The following PDE1C variants were observed in gnomAD, a reference collection of about 807,000 sequenced individuals.
PDE1C encodes dual specificity calcium/calmodulin-dependent 3',5'-cyclic nucleotide phosphodiesterase 1C.
Under a neutral mutation model 93.1 loss-of-function variants are expected in PDE1C, and 62 were observed. The ratio of observed to expected loss-of-function variants is 0.67; its 90% CI spans 0.54 to 0.82. The LOEUF is 0.82. Among genes scored for constraint, PDE1C ranks in the 40% least tolerant of loss-of-function variants. PDE1C has a pLI of 0.00. For synonymous variants in PDE1C, 325 were observed against 310.1 expected (o/e 1.05, Z -0.50); for missense variants, 742 against 884.6 (o/e 0.84, Z 2.04).
intron 2 of PDE1C, among the ~76,000 whole-genome samples, chr7:31,998,477 C>T (rs1785048438): frequency 6.6e-6 from 1 of 152,082 alleles, no homozygotes; most frequent in Non-Finnish European, 1.5e-5. Context: ...GCAAAGGAAA[C>T]CAAAGGTAAT....
intron 2 of PDE1C, among the ~76,000 whole-genome samples, chr7:31,938,651 G>C (rs1207925051): frequency 6.6e-6 from 1 of 151,904 alleles, no homozygotes; most frequent in Non-Finnish European, 1.5e-5. Flanking sequence ...ATTCATAATA[G>C]CTCCTAGCAC....
At chr7:31,995,272 C>T (rs937005445) in intron 2 of PDE1C, among the ~76,000 whole-genome samples, 2 of 152,102 alleles carry the variant, frequency 1.3e-5, no homozygotes, top group African/African-American at 4.8e-5. Flanking sequence ...GGGAGAGAGC[C>T]ACTGCAGCCC....
intron 3 of PDE1C, among the ~76,000 whole-genome samples, chr7:32,136,572 A>T (rs1234748919): frequency 6.6e-6 from 1 of 152,188 alleles, no homozygotes; most frequent in Non-Finnish European, 1.5e-5. Context: ...TATTTGCTGA[A>T]AGAATAAATT....
chr7:31,861,158 T>C (rs901636016), intron 7 of PDE1C, among the ~76,000 whole-genome samples: 2 of 152,204 alleles, frequency 1.3e-5, no homozygotes, highest in Non-Finnish European at 2.9e-5. Flanking sequence ...GCATGTCCCA[T>C]GCAATGCACC....
At chr7:32,137,773 T>C (rs563730925) in intron 3 of PDE1C, among the ~76,000 whole-genome samples, 44 of 152,314 alleles carry the variant, frequency 2.9e-4, no homozygotes, top group Non-Finnish European at 4.7e-4. Flanking sequence ...AAAAGAGATG[T>C]GTCTATCCAT....
At chr7:32,128,255 G>A (rs1197173328) in intron 3 of PDE1C, among the ~76,000 whole-genome samples, 1 of 151,598 alleles carries the variant, frequency 6.6e-6, no homozygotes, top group African/African-American at 2.4e-5. Flanking sequence ...AGAGCCAAAT[G>A]AATGCTTTAA....
the PDE1C span, among the ~76,000 whole-genome samples, chr7:31,623,129 A>G: frequency 1.3e-5 from 2 of 152,178 alleles, no homozygotes; most frequent in African/African-American, 4.8e-5. Context: ...ACCAACCAAA[A>G]AGAGTCCAGG....
intron 1 of PDE1C, among the ~76,000 whole-genome samples, chr7:32,285,683 GAGA>G (rs1005753644): frequency 4.0e-5 from 6 of 149,064 alleles, no homozygotes; most frequent in Admixed American, 1.3e-4. Context: ...GGAAGGAAGG[GAGA>G]AGAAGAAGAA....
chr7:32,309,895 A>G (rs1813126909), intron 1 of PDE1C, among the ~76,000 whole-genome samples: 1 of 152,232 alleles, frequency 6.6e-6, no homozygotes. Context: ...ATACACACAT[A>G]ACAATGTTAA....
chr7:31,755,931 C>T (rs570417877), intron 17 of PDE1C, among the ~76,000 whole-genome samples: 5 of 152,174 alleles, frequency 3.3e-5, no homozygotes, highest in African/African-American at 9.6e-5. Flanking sequence ...TTTGGGAGGC[C>T]GAGGCTGGCA....
chr7:31,725,968 A>G, the PDE1C span, among the ~76,000 whole-genome samples: 9,939 of 152,324 alleles, frequency 0.065, 381 homozygotes, highest in Non-Finnish European at 0.091. Context: ...AAACAAAAGT[A>G]GAACAAATTA....
chr7:31,888,351 T>C (rs1302590065), intron 2 of PDE1C, among the ~76,000 whole-genome samples: 3 of 149,822 alleles, frequency 2.0e-5, no homozygotes, highest in Admixed American at 2.0e-4. Flanking sequence ...CCAAAGACAG[T>C]AGGCAATAGC....
chr7:32,252,640 C>T (rs1037759454), intron 1 of PDE1C, among the ~76,000 whole-genome samples: 2 of 152,116 alleles, frequency 1.3e-5, no homozygotes, highest in Non-Finnish European at 2.9e-5. Context: ...GGCTGCAGCA[C>T]AGAGGAGGGT....
At chr7:32,193,912 TTTTG>T (rs1254599029) in intron 2 of PDE1C, among the ~76,000 whole-genome samples, 16 of 113,186 alleles carry the variant, frequency 1.4e-4, no homozygotes, top group Admixed American at 1.0e-3. Context: ...TTTGGTTTTG[TTTTG>T]TTTTTTTTTT....
chr7:32,328,640 C>A (rs940501792), intron 1 of PDE1C, among the ~76,000 whole-genome samples: 5 of 152,152 alleles, frequency 3.3e-5, no homozygotes, highest in South Asian at 2.1e-4. Context: ...TCCTCCACCC[C>A]CCATCCCCAC....
chr7:32,244,015 C>T (rs920360095), intron 1 of PDE1C, among the ~76,000 whole-genome samples: 1 of 152,172 alleles, frequency 6.6e-6, no homozygotes, highest in Non-Finnish European at 1.5e-5. Flanking sequence ...TCTACCAAGA[C>T]AAGATAACAT....
At chr7:31,911,115 A>G (rs936228581) in intron 2 of PDE1C, among the ~76,000 whole-genome samples, 11 of 152,162 alleles carry the variant, frequency 7.2e-5, no homozygotes, top group Admixed American at 5.2e-4. Context: ...GTGATGGTAA[A>G]ATTATTAGTG....
intron 1 of PDE1C, among the ~76,000 whole-genome samples, chr7:32,275,298 G>GA (rs913007409): frequency 8.9e-4 from 131 of 147,724 alleles, no homozygotes; most frequent in Non-Finnish European, 8.1e-4. Flanking sequence ...AGCTAATGAG[G>GA]AAAAAAAAAA....
chr7:31,876,545 G>A lies in PDE1C; in HGVS notation c.492+1425C>T, dbSNP rs1051050420. Among the ~76,000 whole-genome samples, 13 of 152,246 alleles carry A rather than the reference G, an allele frequency of 8.5e-5. No individual in the cohort carries two copies. The East Asian group carries it at 2.5e-3, about 29-fold the overall frequency. Reference sequence around the variant, plus strand: ...TACCAGTATACCCTCTTGTATTTATGTTCCCGATAAAGGAAAAAATTAAAG... The same window carrying A: ...TACCAGTATACCCTCTTGTATTTATATTCCCGATAAAGGAAAAAATTAAAG... On this transcript the variant is annotated intron_variant, in intron 5 of 17. Coordinates refer to ENST00000396191, the MANE Select transcript of PDE1C (RefSeq NM_001191057.4).
Sources: gnomAD v4.1 joint callset for allele counts (sites outside exome capture counted in the v4.1 genomes callset) on GRCh38, gnomAD v4.1.1 for gene constraint, MANE v1.5 for transcripts, NCBI Gene and HGNC (gene_info 2026-07-23, HGNC 2026-07-21) for gene names.